Variants in DLG2 observed in about 807,000 individuals in gnomAD.
DLG2 encodes discs large MAGUK scaffold protein 2, also known as disks large homolog 2.
DLG2 carries 45 observed loss-of-function variants against 132.5 expected under a neutral mutation model. The observed-to-expected ratio is 0.34, with a 90% CI of 0.27 to 0.44. The LOEUF is 0.44. Among genes scored for constraint, DLG2 ranks in the 20% least tolerant of loss-of-function variants. DLG2 has a pLI of 1.00. For synonymous variants in DLG2, 424 were observed against 419.6 expected (o/e 1.01, Z -0.13); for missense variants, 1,045 against 1,196.9 (o/e 0.87, Z 1.87).
chr11:83,671,871 A>C (rs1012129175), intron 18 of DLG2, among the ~76,000 whole-genome samples: 2 of 152,188 alleles, frequency 1.3e-5, no homozygotes, highest in African/African-American at 4.8e-5. Flanking sequence ...CAATTGTCTC[A>C]TTGTCATGAC....
At chr11:85,075,560 T>C (rs1173679632) in intron 6 of DLG2, among the ~76,000 whole-genome samples, 6 of 151,840 alleles carry the variant, frequency 4.0e-5, no homozygotes, top group African/African-American at 1.4e-4. Flanking sequence ...AAACCCCAAA[T>C]TACAGAGTAT....
At chr11:85,436,552 A>C in intron 3 of DLG2, among the ~76,000 whole-genome samples, 1 of 152,198 alleles carries the variant, frequency 6.6e-6, no homozygotes. Flanking sequence ...AACAAACATG[A>C]AAAAAACACA....
intron 4 of DLG2, among the ~76,000 whole-genome samples, chr11:85,221,467 C>T (rs180997967): frequency 7.4e-4 from 113 of 152,334 alleles, no homozygotes; most frequent in African/African-American, 2.7e-3. Context: ...AAGACACTCT[C>T]TGTTGAACAT....
intron 22 of DLG2, chr11:83,483,164 G>T: frequency 9.4e-7 from 1 of 1,059,146 alleles, no homozygotes; most frequent in Non-Finnish European, 1.5e-6. Flanking sequence ...TGCTAGGAGT[G>T]AAAGGCCCTC....
chr11:85,031,185 C>T (rs942602539), intron 6 of DLG2, among the ~76,000 whole-genome samples: 1 of 151,804 alleles, frequency 6.6e-6, no homozygotes, highest in Non-Finnish European at 1.5e-5. Flanking sequence ...TGTTTTGCTT[C>T]TGTGAGTTTT....
chr11:84,192,996 T>G (rs567898230), intron 8 of DLG2, among the ~76,000 whole-genome samples: 2 of 152,090 alleles, frequency 1.3e-5, no homozygotes, highest in African/African-American at 2.4e-5. Flanking sequence ...TTAAAAAAAA[T>G]TAGTGAATTT....
chr11:85,020,579 T>C (rs1041101764), intron 6 of DLG2, among the ~76,000 whole-genome samples: 1 of 152,196 alleles, frequency 6.6e-6, no homozygotes, highest in African/African-American at 2.4e-5. Flanking sequence ...TCTTCCAGGA[T>C]TTTTATGGTT....
chr11:84,688,440 T>C (rs2099740005), intron 6 of DLG2, among the ~76,000 whole-genome samples: 1 of 152,220 alleles, frequency 6.6e-6, no homozygotes, highest in Non-Finnish European at 1.5e-5. Flanking sequence ...TGTGATTCAG[T>C]TATGAAAAAA....
At chr11:84,543,788 G>A (rs1006154785) in intron 6 of DLG2, among the ~76,000 whole-genome samples, 2 of 152,102 alleles carry the variant, frequency 1.3e-5, no homozygotes, top group African/African-American at 4.8e-5. Context: ...GAAATAAAAA[G>A]CTCTCCCAGG....
chr11:85,288,391 C>A (rs1049930592), intron 3 of DLG2, among the ~76,000 whole-genome samples: 1 of 151,430 alleles, frequency 6.6e-6, no homozygotes, highest in African/African-American at 2.4e-5. Context: ...TAATAACATA[C>A]GGGCTGGTAG....
chr11:84,078,264 G>T (rs1315849749), intron 10 of DLG2, among the ~76,000 whole-genome samples: 1 of 152,126 alleles, frequency 6.6e-6, no homozygotes, highest in Non-Finnish European at 1.5e-5. Context: ...AGGTAGATGG[G>T]AATGGGAAGA....
intron 18 of DLG2, among the ~76,000 whole-genome samples, chr11:83,761,781 G>C (rs1403217108): frequency 2.6e-5 from 4 of 152,146 alleles, no homozygotes; most frequent in South Asian, 2.1e-4. Context: ...GCCGGGAGCT[G>C]TATCATTCAT....
At chr11:84,556,760 T>C (rs1461378323) in intron 6 of DLG2, among the ~76,000 whole-genome samples, 1 of 152,216 alleles carries the variant, frequency 6.6e-6, no homozygotes, top group Non-Finnish European at 1.5e-5. Flanking sequence ...AAACTCATTA[T>C]GGAATCATTC....
intron 3 of DLG2, among the ~76,000 whole-genome samples, chr11:85,457,700 T>A (rs1343470338): frequency 6.6e-6 from 1 of 152,190 alleles, no homozygotes; most frequent in Non-Finnish European, 1.5e-5. Context: ...TGAAGTTTAG[T>A]TTGTCTGGAT....
Position 85,077,584 on chromosome 11 carries a change from CAATATT to C in DLG2, c.357+34071_357+34076del, listed in dbSNP as rs1165657074. 2.6e-5 allele frequency among the ~76,000 whole-genome samples: 4 copies of C among 151,990 alleles called. 1 individual carries two copies. Among genetic ancestry groups the C allele is most frequent in the African/African-American group, 9.6e-5 (4 of 41,498 alleles). ...AGTGAATGGAAAGTTGAACCTCACT[CAATATT>C]AATGCAAATCTATAGGTTAAAAATA... On this transcript the variant is annotated intron_variant, in intron 6 of 27. Coordinates refer to ENST00000376104, the MANE Select transcript of DLG2 (RefSeq NM_001142699.3).
At chr11:85,285,983 T>A in intron 3 of DLG2, 1 of 327,390 alleles carries the variant, frequency 3.1e-6, no homozygotes, top group Non-Finnish European at 5.9e-6. Context: ...AAAAATCATG[T>A]AGGAAGTCAG....
At chr11:84,394,394 AG>A (rs2098803883) in intron 7 of DLG2, among the ~76,000 whole-genome samples, 1 of 151,510 alleles carries the variant, frequency 6.6e-6, no homozygotes, top group Non-Finnish European at 1.5e-5. Flanking sequence ...TAAAGACAAA[AG>A]TTATAGCATG....
chr11:83,571,027 C>G (rs1405627983), intron 19 of DLG2, among the ~76,000 whole-genome samples: 2 of 152,008 alleles, frequency 1.3e-5, no homozygotes, highest in Non-Finnish European at 2.9e-5. Flanking sequence ...GGATTACAGG[C>G]ATGCACCACC....
At chr11:85,536,650 G>A (rs187090053) in intron 3 of DLG2, among the ~76,000 whole-genome samples, 16 of 152,334 alleles carry the variant, frequency 1.1e-4, no homozygotes, top group African/African-American at 2.4e-4. Context: ...CTGGGGCTGC[G>A]TGCGGTGCTC....
Sources: gnomAD v4.1 joint callset for allele counts (sites outside exome capture counted in the v4.1 genomes callset) on GRCh38, gnomAD v4.1.1 for gene constraint, MANE v1.5 for transcripts, NCBI Gene and HGNC (gene_info 2026-07-23, HGNC 2026-07-21) for gene names.